CD99: variants seen among roughly 807,000 people sequenced by gnomAD.
CD99 encodes CD99 antigen.
In CD99, 19 loss-of-function variants were observed where a neutral mutation model predicts 28.4. That is an observed-to-expected ratio of 0.67 (90% CI 0.47 to 0.98). The LOEUF is 0.98. CD99 is among the 50% of genes least tolerant of loss of function. CD99 has a pLI of 0.00. For synonymous variants in CD99, 103 were observed against 92.1 expected (o/e 1.12, Z -0.67); for missense variants, 283 against 248.8 (o/e 1.14, Z -0.92).
intron 9 of CD99, 109 bp downstream of exon 9, chrX:2,738,365 A>G (rs2050049822): frequency 3.1e-6 from 3 of 967,120 alleles, no homozygotes; most frequent in Non-Finnish European, 5.0e-6. Context: ...ATTTGGTTGC[A>G]TGGCTTTGAA....
intron 1 of CD99, among the ~76,000 whole-genome samples, chrX:2,695,746 G>T (rs1473839221): frequency 6.6e-6 from 1 of 151,110 alleles, no homozygotes; most frequent in Non-Finnish European, 1.5e-5. Context: ...CAATTCTCCT[G>T]CCTCAGACAC....
At chrX:2,735,653 A>C (rs2049893655) in intron 8 of CD99, among the ~76,000 whole-genome samples, 1 of 152,198 alleles carries the variant, frequency 6.6e-6, no homozygotes, top group Non-Finnish European at 1.5e-5. Context: ...GCAGGTTTTC[A>C]ATTTCTAGCC....
intron 2 of CD99, chrX:2,715,036 C>T (rs1241075737): frequency 6.6e-6 from 1 of 152,292 alleles, no homozygotes; most frequent in African/African-American, 2.4e-5. Flanking sequence ...AAATGGAGGT[C>T]CCCAGGAGAG....
intron 2 of CD99, among the ~76,000 whole-genome samples, chrX:2,716,549 C>T (rs1485391378): frequency 2.6e-5 from 4 of 151,834 alleles, no homozygotes; most frequent in East Asian, 1.9e-4. Flanking sequence ...TGGAGTGCCA[C>T]GGTGGGATCT....
intron 1 of CD99, among the ~76,000 whole-genome samples, chrX:2,704,413 A>G (rs993221492): frequency 5.3e-5 from 8 of 152,086 alleles, no homozygotes; most frequent in African/African-American, 1.9e-4. Flanking sequence ...AACCACCTGC[A>G]TATAATCTTT....
intron 1 of CD99, among the ~76,000 whole-genome samples, chrX:2,693,052 C>T (rs922847031): frequency 4.6e-5 from 7 of 152,084 alleles, no homozygotes; most frequent in Non-Finnish European, 1.0e-4. Flanking sequence ...GCTGGTCTGG[C>T]GTTCCAGGTC....
intron 8 of CD99, among the ~76,000 whole-genome samples, chrX:2,734,118 G>C (rs2049814652): frequency 6.6e-6 from 1 of 151,862 alleles, no homozygotes; most frequent in South Asian, 2.1e-4. Context: ...ATTGTACCTG[G>C]ATTTTCCTTC....
intron 2 of CD99, chrX:2,717,340 T>C: frequency 2.3e-6 from 1 of 440,586 alleles, no homozygotes; most frequent in South Asian, 3.1e-5. Context: ...AGAGCAAGAC[T>C]TGGTCTCAAA....
intron 1 of CD99, among the ~76,000 whole-genome samples, chrX:2,709,730 G>GCATGTACATAGACACA (rs1556310383): frequency 2.6e-4 from 26 of 98,312 alleles, no homozygotes; most frequent in Middle Eastern, 0.012. Flanking sequence ...ACATAGACAC[G>GCATGTACATAGACACA]CACATGCATG....
At chrX:2,716,839 C>T (rs1295488618) in intron 2 of CD99, among the ~76,000 whole-genome samples, 1 of 152,204 alleles carries the variant, frequency 6.6e-6, no homozygotes, top group African/African-American at 2.4e-5. Context: ...GCCTGATTGG[C>T]TTCCATTCTC....
In CD99 at chrX:2,728,876, G is replaced by A. The variant is rs372169623; in HGVS notation, c.475+2503G>A. Among the ~76,000 whole-genome samples, 432 of 124,944 alleles carry A rather than the reference G, an allele frequency of 3.5e-3. 2 individuals are homozygous for A. The highest frequency in any genetic ancestry group is 0.013 in the African/African-American group (402 of 29,918). 82.0% of individuals were successfully genotyped at this position (124,944 alleles called of 152,430 possible). On this transcript the variant is annotated intron_variant, in intron 8 of 9. Coordinates refer to ENST00000381192, the MANE Select transcript of CD99 (RefSeq NM_002414.5). ...TTTTGAGACGGAGTCTCGCTCTATC[G>A]CCCAGAATGGAGGGCAGTGGTGCAA...
intron 8 of CD99, among the ~76,000 whole-genome samples, chrX:2,732,975 C>T (rs1252432804): frequency 6.8e-6 from 1 of 147,520 alleles, no homozygotes; most frequent in East Asian, 2.0e-4. Context: ...CATTTCCTTC[C>T]TCCCTGCTTC....
chrX:2,695,187 C>G (rs942298961), intron 1 of CD99, among the ~76,000 whole-genome samples: 7 of 151,756 alleles, frequency 4.6e-5, no homozygotes, highest in East Asian at 1.9e-4. Context: ...ACCTGTGTGT[C>G]TCTCGGGGTG....
intron 1 of CD99, among the ~76,000 whole-genome samples, chrX:2,706,485 G>A (rs1170701679): frequency 6.6e-6 from 1 of 152,210 alleles, no homozygotes; most frequent in Admixed American, 6.5e-5. Context: ...ACAATGTCCT[G>A]AAAGTTTCGT....
At position 2,692,026 on chromosome X, in the gene CD99, G is replaced by T; in HGVS notation, c.67+599G>T. 7 of 680,238 alleles carry T rather than the reference G, an allele frequency of 1.0e-5. No individual in the cohort carries two copies. The South Asian group carries it at 1.1e-4, about 11-fold the overall frequency. The allele number at this position is 680,238 out of a possible 1,614,324, so 42.1% of individuals were successfully genotyped here. On this transcript the variant is annotated intron_variant, in intron 1 of 9. Transcript: ENST00000381192. ...TGCTGTGCGCCAAGCAACACGGGGCGCAGAAAGAAACGTGTGCTTACCAAA... is the reference window on the plus strand; with the variant it reads ...TGCTGTGCGCCAAGCAACACGGGGCTCAGAAAGAAACGTGTGCTTACCAAA...
Position 2,714,435 on chromosome X carries a change from T to A in CD99, c.81T>A (p.Asp27Glu). 1 of 1,603,262 alleles carries A rather than the reference T, an allele frequency of 6.2e-7. No individual in the cohort carries two copies. Among genetic ancestry groups the A allele is most frequent in the Non-Finnish European group, 8.5e-7 (1 of 1,170,996 alleles). The change falls in exon 2 of 10, where the codon GAT (aspartate) becomes GAA (glutamate). Residue 27 changes from aspartate (D) to glutamate (E), a missense_variant. Asp to Glu is a conservative substitution (Grantham distance 45). Transcript: ENST00000381192. ...TTTCTCTCTTAGATGGTGGTTTCGA[T>A]TTATCCGATGCCCTTCCTGGTGAGT... Reference protein sequence around the residue: ...VLVAAPDGGFDLSDALPDNEN... With the variant: ...VLVAAPDGGFELSDALPDNEN...
intron 1 of CD99, among the ~76,000 whole-genome samples, chrX:2,713,718 ATGT>A (rs1254276591): frequency 6.6e-6 from 1 of 152,066 alleles, no homozygotes; most frequent in Non-Finnish European, 1.5e-5. Context: ...CGGTTGAGAG[ATGT>A]TGTATGCCTT....
At chrX:2,740,455 C>T (rs960341695) in intron 9 of CD99, among the ~76,000 whole-genome samples, 2 of 152,120 alleles carry the variant, frequency 1.3e-5, no homozygotes, top group Non-Finnish European at 2.9e-5. Context: ...ATAAAAACTG[C>T]ACACTCTCAT....
chrX:2,707,446 G>GCAGAGGAACTCACACACCCCATGT (rs1397964020), intron 1 of CD99, among the ~76,000 whole-genome samples: 1 of 152,158 alleles, frequency 6.6e-6, no homozygotes, highest in Admixed American at 6.5e-5. Flanking sequence ...TAGTCACGTT[G>GCAGAGGAACTCACACACCCCATGT]CAGAGGAACT....
Sources: gnomAD v4.1 joint callset for allele counts (sites outside exome capture counted in the v4.1 genomes callset) on GRCh38, gnomAD v4.1.1 for gene constraint, MANE v1.5 for transcripts, NCBI Gene and HGNC (gene_info 2026-07-23, HGNC 2026-07-21) for gene names.